NRXN3: variants seen among roughly 807,000 people sequenced by gnomAD.
NRXN3 encodes the protein neurexin III.
A neutral mutation model predicts 137.6 loss-of-function variants in NRXN3; 32 were observed. The observed-to-expected ratio is 0.23, with a 90% CI of 0.18 to 0.31. NRXN3 has a LOEUF of 0.31. NRXN3 is among the 10% of genes least tolerant of loss of function. The pLI, the probability that NRXN3 is intolerant of heterozygous loss-of-function variation, is 1.00. For missense variants in NRXN3, 1,574 were observed against 2,062.5 expected (o/e 0.76, Z 4.59); for synonymous variants, 798 against 784.5 (o/e 1.02, Z -0.29).
chr14:78,501,942 C>G (rs12586255), intron 4 of NRXN3, among the ~76,000 whole-genome samples: 57,546 of 151,850 alleles, frequency 0.38, 11,165 homozygotes, highest in Admixed American at 0.43. Context: ...TCTATGCAGC[C>G]CCCCCAGGGT....
rs186257810 is a variant in NRXN3, at chr14:79,258,090, G to A, written c.3263-209131G>A. Among the ~76,000 whole-genome samples the A allele has an allele frequency of 3.9e-5, 6 of 152,270 alleles. No homozygotes were observed. The East Asian group carries it at 1.2e-3, about 29-fold the overall frequency. ...GAAGTGGTAGGGTCAAGACTGATTAGAGTCTTCAGAATTTCCCCACCAGTT... is the reference window on the plus strand; with the variant it reads ...GAAGTGGTAGGGTCAAGACTGATTAAAGTCTTCAGAATTTCCCCACCAGTT... On this transcript the variant is annotated intron_variant, in intron 15 of 20. Coordinates refer to ENST00000335750, the MANE Select transcript of NRXN3 (RefSeq NM_001330195.2).
At chr14:79,486,478 C>A (rs1601019617) in intron 16 of NRXN3, among the ~76,000 whole-genome samples, 1 of 152,226 alleles carries the variant, frequency 6.6e-6, no homozygotes, top group Non-Finnish European at 1.5e-5. Flanking sequence ...CCCACCCCAA[C>A]TTGGAGACCA....
intron 4 of NRXN3, among the ~76,000 whole-genome samples, chr14:78,595,882 A>G (rs2097154038): frequency 6.6e-6 from 1 of 152,196 alleles, no homozygotes; most frequent in Admixed American, 6.5e-5. Context: ...GAGACAGGCT[A>G]CATATCATAA....
In NRXN3 at chr14:78,364,984, ACCTTT is replaced by A. The variant is rs2153610548; in HGVS notation, c.757+67127_757+67131del. ...TTGTTTTCACTATTGTTAATGATTA[ACCTTT>A]CCCTAAGTTCCACTGTACCTGGAAA... On this transcript the variant is annotated intron_variant, in intron 4 of 20. Coordinates refer to ENST00000335750, the MANE Select transcript of NRXN3 (RefSeq NM_001330195.2). 1.3e-5 allele frequency among the ~76,000 whole-genome samples: 2 copies of A among 152,216 alleles called. 1 individual carries two copies. Among genetic ancestry groups the A allele is most frequent in the South Asian group, 4.1e-4 (2 of 4,820 alleles).
intron 19 of NRXN3, among the ~76,000 whole-genome samples, chr14:79,771,210 G>T (rs1296730730): frequency 2.0e-5 from 3 of 152,118 alleles, no homozygotes; most frequent in Non-Finnish European, 2.9e-5. Flanking sequence ...GGAGGAACTG[G>T]TACCATTCCT....
intron 2 of NRXN3, among the ~76,000 whole-genome samples, chr14:78,268,204 C>T (rs1248330597): frequency 3.3e-5 from 5 of 152,118 alleles, no homozygotes; most frequent in Non-Finnish European, 7.4e-5. Flanking sequence ...TGGATGAAAT[C>T]TTCTGAAGAC....
chr14:78,305,816 T>C (rs899555099), intron 4 of NRXN3, among the ~76,000 whole-genome samples: 2 of 152,224 alleles, frequency 1.3e-5, no homozygotes, highest in Non-Finnish European at 2.9e-5. Flanking sequence ...TGATTTGTCC[T>C]CTTGACAGTG....
intron 10 of NRXN3, among the ~76,000 whole-genome samples, chr14:78,867,075 G>A (rs1165622602): frequency 1.3e-5 from 2 of 152,100 alleles, no homozygotes; most frequent in Non-Finnish European, 2.9e-5. Context: ...GGGATTACAG[G>A]CGTGGGCCAC....
chr14:79,708,119 C>T lies in NRXN3; in HGVS notation c.4014+10182C>T, dbSNP rs1029158823. ...ATGGCCCTCTGCATATGTGGGATTGCATCTGCATTCAACCAACTAACTGTG... is the reference window on the plus strand; with the variant it reads ...ATGGCCCTCTGCATATGTGGGATTGTATCTGCATTCAACCAACTAACTGTG... On this transcript the variant is annotated intron_variant, in intron 19 of 20. Transcript: ENST00000335750. 3.9e-4 allele frequency among the ~76,000 whole-genome samples: 33 copies of T among 85,394 alleles called. No homozygotes were observed. The Admixed American group carries it at 4.0e-3, about 10-fold the overall frequency. 56.0% of individuals were successfully genotyped at this position (85,394 alleles called of 152,430 possible).
At chr14:79,793,444 G>A (rs1336666163) in intron 19 of NRXN3, among the ~76,000 whole-genome samples, 3 of 151,996 alleles carry the variant, frequency 2.0e-5, no homozygotes, top group African/African-American at 4.8e-5. Flanking sequence ...CAAAAACAAA[G>A]ACCCACAGTC....
At chr14:78,680,341 A>G (rs1441762229) in intron 6 of NRXN3, among the ~76,000 whole-genome samples, 1 of 152,178 alleles carries the variant, frequency 6.6e-6, no homozygotes, top group East Asian at 1.9e-4. Context: ...AAGTTTACCT[A>G]CGTAACAAAC....
intron 8 of NRXN3, among the ~76,000 whole-genome samples, chr14:78,783,989 A>G (rs34495944): frequency 0.024 from 3,686 of 151,692 alleles, 90 homozygotes; most frequent in Non-Finnish European, 0.031. Context: ...ACATAGCTAC[A>G]TCATGGTAAA....
At chr14:79,572,291 A>G (rs1263684712) in intron 16 of NRXN3, among the ~76,000 whole-genome samples, 1 of 152,214 alleles carries the variant, frequency 6.6e-6, no homozygotes, top group Non-Finnish European at 1.5e-5. Flanking sequence ...CTGGTCTCTC[A>G]ATAAAATCTA....
chr14:79,861,553 A>C lies in NRXN3; in HGVS notation c.4305A>C (p.Lys1435Asn), dbSNP rs750560203. Residue 1435 changes from lysine to asparagine, a missense_variant, in exon 21 of 21, where the codon AAA becomes AAC. Lys to Asn is a moderately conservative substitution (Grantham distance 94). Coordinates refer to ENST00000335750, the MANE Select transcript of NRXN3 (RefSeq NM_001330195.2). This position sits in a 1 kb window ranked among gnomAD's most constrained non-coding sequence, Gnocchi z 5.4. ...GCAAAATGAATAACCGTGATCTCAA[A>C]CCCCAGCCTGATATAGTCTTGCTTC... ...PAGKMNNRDL[K>N]PQPDIVLLPL... 4.1e-5 allele frequency: 64 copies of C among 1,573,538 alleles called. No individual in the cohort carries two copies. Among genetic ancestry groups the C allele is most frequent in the Non-Finnish European group, 5.4e-5 (63 of 1,161,328 alleles).
intron 15 of NRXN3, among the ~76,000 whole-genome samples, chr14:79,212,051 A>G (rs2067748144): frequency 6.6e-6 from 1 of 152,090 alleles, no homozygotes; most frequent in Admixed American, 6.6e-5. Flanking sequence ...ATCTTGGCTT[A>G]AAGGGCAACT....
chr14:79,682,727 G>C (rs1207971605), intron 17 of NRXN3, among the ~76,000 whole-genome samples: 1 of 152,036 alleles, frequency 6.6e-6, no homozygotes, highest in South Asian at 2.1e-4. Flanking sequence ...TTTCTTAGAT[G>C]GTCTTTGAGG....
intron 15 of NRXN3, among the ~76,000 whole-genome samples, chr14:78,999,634 A>T (rs1446240937): frequency 6.6e-6 from 1 of 152,202 alleles, no homozygotes; most frequent in African/African-American, 2.4e-5. Context: ...AAATGTCAAG[A>T]TGGTTCCATT....
In NRXN3 at chr14:78,262,625, C is replaced by T. The variant is rs2070935690; in HGVS notation, c.710-16020C>T. ...TCCTCCTTAATGTCTCAGTCCTGCC[C>T]TCCCAGGTCCTCCCACCTGCCACAG... is the stretch of plus-strand genomic sequence containing the variant. On this transcript the variant is annotated intron_variant, in intron 2 of 20. Coordinates refer to ENST00000335750, the MANE Select transcript of NRXN3 (RefSeq NM_001330195.2). 2.0e-5 allele frequency among the ~76,000 whole-genome samples: 3 copies of T among 152,122 alleles called. No individual in the cohort carries two copies. The South Asian group carries it at 6.2e-4, about 32-fold the overall frequency.
intron 10 of NRXN3, among the ~76,000 whole-genome samples, chr14:78,840,098 G>T (rs541600628): frequency 3.8e-4 from 58 of 152,238 alleles, no homozygotes; most frequent in Admixed American, 5.9e-4. Flanking sequence ...AGTGACAGTT[G>T]TTTCTAAAAT....
Sources: gnomAD v4.1 joint callset for allele counts (sites outside exome capture counted in the v4.1 genomes callset) on GRCh38, gnomAD v4.1.1 for gene constraint, Gnocchi (gnomAD v3.1) non-coding constraint, MANE v1.5 for transcripts, NCBI Gene and HGNC (gene_info 2026-07-23, HGNC 2026-07-21) for gene names.